The following NTPCR variants were observed in gnomAD, a reference collection of about 807,000 sequenced individuals.
The protein encoded by NTPCR is nucleoside-triphosphatase, cancer-related, also known as cancer-related nucleoside-triphosphatase.
NTPCR carries 15 observed loss-of-function variants against 19.5 expected under a neutral mutation model. The observed-to-expected ratio is 0.77, with a 90% CI of 0.51 to 1.18. The LOEUF is 1.18. Among genes scored for constraint, NTPCR ranks in the 50% most tolerant of loss-of-function variants. The pLI is 0.00. For missense variants in NTPCR, 206 were observed against 240.4 expected (o/e 0.86, Z 0.95); for synonymous variants, 90 against 95.8 (o/e 0.94, Z 0.36).
At position 232,983,579 on chromosome 1, in the gene NTPCR, G is replaced by T. The variant is rs1055604615; in HGVS notation, c.*5348G>T. 13 of 152,230 alleles carry T rather than the reference G, an allele frequency of 8.5e-5. No homozygotes were observed. The highest frequency in any genetic ancestry group is 1.9e-4 in the Non-Finnish European group (13 of 68,046). 9.4% of individuals were successfully genotyped at this position (152,230 alleles called of 1,614,324 possible). ...CCACCAATCGCCTGGACTACAGTGAGGAGCATTGTGTGACTCCGCGGTGGA... is the reference window on the plus strand; with the variant it reads ...CCACCAATCGCCTGGACTACAGTGATGAGCATTGTGTGACTCCGCGGTGGA... On this transcript the variant is annotated 3_prime_UTR_variant, in exon 5 of 5. Transcript: ENST00000366628.
chr1:232,953,127 G>C (rs575887570), intron 1 of NTPCR, among the ~76,000 whole-genome samples: 1 of 152,286 alleles, frequency 6.6e-6, no homozygotes, highest in African/African-American at 2.4e-5. Context: ...GAACTTGCTT[G>C]ACAGTGCACC....
At position 232,976,717 on chromosome 1, in the gene NTPCR, C is replaced by T. The variant is rs116708578; in HGVS notation, c.505-1446C>T. On this transcript the variant is annotated intron_variant, in intron 4 of 4. Coordinates refer to ENST00000366628, the MANE Select transcript of NTPCR (RefSeq NM_032324.3). ...ATCACAGGATTGACGCAGCCAGGAC[C>T]GGTAGAAATGGGATCACGGGACTGA... 722 of 783,886 alleles carry T rather than the reference C, an allele frequency of 9.2e-4. 3 individuals are homozygous for T. The highest frequency in any genetic ancestry group is 8.4e-3 in the East Asian group (275 of 32,654). The allele number at this position is 783,886 out of a possible 1,614,324, so 48.6% of individuals were successfully genotyped here. A position where few individuals can be genotyped will look rare whatever the true frequency, so the allele number is the denominator to read the frequency against.
rs564076279 is a variant in NTPCR, at chr1:232,981,096, C to G, written c.*2865C>G. 63 of 152,340 alleles carry G rather than the reference C, an allele frequency of 4.1e-4. No homozygotes were observed. The highest frequency in any genetic ancestry group is 1.4e-3 in the African/African-American group (58 of 41,578). 9.4% of individuals were successfully genotyped at this position (152,340 alleles called of 1,614,324 possible). ...TTGAAGCACGATTTACTAAATCATT[C>G]TTTCCTTTTCCTCCTTAGCAGATCA... On this transcript the variant is annotated 3_prime_UTR_variant, in exon 5 of 5. Transcript: ENST00000366628.
intron 1 of NTPCR, among the ~76,000 whole-genome samples, chr1:232,954,504 T>A (rs1271458664): frequency 1.3e-5 from 2 of 152,220 alleles, no homozygotes; most frequent in Non-Finnish European, 2.9e-5. Context: ...TGATGCCACT[T>A]ACTTAAATCC....
At chr1:232,959,883 G>T (rs546904526) in intron 3 of NTPCR, among the ~76,000 whole-genome samples, 1 of 152,148 alleles carries the variant, frequency 6.6e-6, no homozygotes, top group South Asian at 2.1e-4. Context: ...ATTAGGCCAA[G>T]CAGGGCTATG....
chr1:232,967,902 G>T (rs1668864247), intron 3 of NTPCR: 1 of 152,216 alleles, frequency 6.6e-6, no homozygotes, highest in Non-Finnish European at 1.5e-5. Context: ...CAGGAAGACA[G>T]AAACCTTCTT....
chr1:232,950,633 C>T lies in NTPCR; in HGVS notation c.-78C>T, dbSNP rs557154009. ...GGTGGGCGGGTCCTGAGTCGCGACC[C>T]TGGTCCGGACCTGACCTGAATTGCG... On this transcript the variant is annotated 5_prime_UTR_variant, in exon 1 of 5. Coordinates refer to ENST00000366628, the MANE Select transcript of NTPCR (RefSeq NM_032324.3). 8.3e-4 allele frequency: 1,019 copies of T among 1,233,110 alleles called. 4 individuals are homozygous for T. The Middle Eastern group carries it at 9.7e-3, about 12-fold the overall frequency. 76.4% of individuals were successfully genotyped at this position (1,233,110 alleles called of 1,614,324 possible). A position where few individuals can be genotyped will look rare whatever the true frequency, so the allele number is the denominator to read the frequency against.
At chr1:232,950,940 C>A (rs1021528778) in intron 1 of NTPCR, 196 bp downstream of exon 1, 1 of 566,746 alleles carries the variant, frequency 1.8e-6, no homozygotes, top group Non-Finnish European at 3.1e-6. Flanking sequence ...GACACAGGGC[C>A]TAAAGGATTA....
rs146723417 is a variant in NTPCR, at chr1:232,975,196, G to C, written c.505-2967G>C. ...TGGCAGCAGTGAGTGGATATTATCT[G>C]ATCTTCCAGGCTGCTTGCATGCTAC... On this transcript the variant is annotated intron_variant, in intron 4 of 4. Transcript: ENST00000366628. Among the ~76,000 whole-genome samples the C allele has an allele frequency of 2.6e-5, 4 of 152,292 alleles. No individual in the cohort carries two copies. In the East Asian group the frequency reaches 5.8e-4, roughly 22 times the overall value.
At chr1:232,957,374 T>C (rs922158006) in intron 3 of NTPCR, among the ~76,000 whole-genome samples, 1 of 148,276 alleles carries the variant, frequency 6.7e-6, no homozygotes, top group Non-Finnish European at 1.5e-5. Flanking sequence ...TCTCTCCTTA[T>C]AGGTCTGTTG....
At chr1:232,970,329 C>T (rs933218708) in intron 4 of NTPCR, among the ~76,000 whole-genome samples, 2 of 152,212 alleles carry the variant, frequency 1.3e-5, no homozygotes, top group Non-Finnish European at 2.9e-5. Flanking sequence ...GGCCTCCTGA[C>T]GGTCCCAGTT....
At chr1:232,972,245 T>TG (rs1669005666) in intron 4 of NTPCR, among the ~76,000 whole-genome samples, 1 of 152,192 alleles carries the variant, frequency 6.6e-6, no homozygotes, top group African/African-American at 2.4e-5. Flanking sequence ...CCTGTTTTTT[T>TG]TTGTTGTTGT....
intron 1 of NTPCR, chr1:232,951,032 A>G: frequency 4.7e-6 from 2 of 425,392 alleles, no homozygotes; most frequent in Non-Finnish European, 8.4e-6. Context: ...GGTAACTCCT[A>G]CTGTAGTGTT....
At chr1:232,973,668 A>G (rs1468239444) in intron 4 of NTPCR, among the ~76,000 whole-genome samples, 1 of 152,252 alleles carries the variant, frequency 6.6e-6, no homozygotes, top group East Asian at 1.9e-4. Context: ...AAAATTACAG[A>G]TACACATGAA....
chr1:232,982,613 C>G lies in NTPCR; in HGVS notation c.*4382C>G, dbSNP rs1669312481. The G allele has an allele frequency of 6.6e-6, 1 of 152,378 alleles. No individual in the cohort carries two copies. Among genetic ancestry groups the G allele is most frequent in the Non-Finnish European group, 1.5e-5 (1 of 68,056 alleles). The allele number at this position is 152,378 out of a possible 1,614,324, so 9.4% of individuals were successfully genotyped here. A position where few individuals can be genotyped will look rare whatever the true frequency, so the allele number is the denominator to read the frequency against. ...GAGGAGCACCCAGGGTGCTCTTGCTCTCTTGCCTGCGCTGCCATTTCCTTC... is the reference window on the plus strand; with the variant it reads ...GAGGAGCACCCAGGGTGCTCTTGCTGTCTTGCCTGCGCTGCCATTTCCTTC... On this transcript the variant is annotated 3_prime_UTR_variant, in exon 5 of 5. Transcript: ENST00000366628.
At chr1:232,958,312 T>G (rs546242004) in intron 3 of NTPCR, among the ~76,000 whole-genome samples, 1 of 152,368 alleles carries the variant, frequency 6.6e-6, no homozygotes, top group Non-Finnish European at 1.5e-5. Flanking sequence ...TTGCCATTCT[T>G]CAGCCACACT....
chr1:232,965,636 G>A (rs561066401), intron 3 of NTPCR: 1 of 152,496 alleles, frequency 6.6e-6, no homozygotes, highest in Non-Finnish European at 1.5e-5. Flanking sequence ...GAGTGGGATA[G>A]TAATCTGTCA....
chr1:232,974,474 G>A (rs1669072676), intron 4 of NTPCR, among the ~76,000 whole-genome samples: 1 of 152,116 alleles, frequency 6.6e-6, no homozygotes, highest in African/African-American at 2.4e-5. Context: ...GTTGACTTTT[G>A]AAGAATTATG....
intron 3 of NTPCR, 140 bp downstream of exon 3, chr1:232,956,583 G>A (rs1374076522): frequency 3.2e-6 from 2 of 619,008 alleles, no homozygotes; most frequent in Non-Finnish European, 5.9e-6. Context: ...GTCTTAATAA[G>A]GATAAACAAC....
Sources: allele counts gnomAD v4.1 joint callset (sites outside exome capture counted in the v4.1 genomes callset), GRCh38; gene constraint gnomAD v4.1.1; transcripts MANE v1.5; gene names NCBI Gene and HGNC (gene_info 2026-07-23, HGNC 2026-07-21).